NHEJ1: variants seen among roughly 807,000 people sequenced by gnomAD.
The protein encoded by NHEJ1 is non-homologous end-joining factor 1.
In NHEJ1, 22 loss-of-function variants were observed where a neutral mutation model predicts 39.4. The ratio of observed to expected loss-of-function variants is 0.56; its 90% CI spans 0.40 to 0.80. NHEJ1 has a LOEUF of 0.80. Ranked by LOEUF, NHEJ1 falls within the 30% of genes least tolerant of loss-of-function variation. NHEJ1 has a pLI of 0.00. For synonymous variants in NHEJ1, 154 were observed against 135.6 expected, an observed-to-expected ratio of 1.14 and a Z score of -0.94; for missense variants, 329 against 357.1, an observed-to-expected ratio of 0.92 and a Z score of 0.63.
At position 219,148,889 on chromosome 2, in the gene NHEJ1, T is replaced by C. The variant is rs550105365; in HGVS notation, c.391-1094A>G. Among the ~76,000 whole-genome samples, 309 of 143,720 alleles carry C rather than the reference T, an allele frequency of 2.2e-3. 1 individual carries two copies. The highest frequency in any genetic ancestry group is 6.1e-3 in the African/African-American group (231 of 37,966). The allele number at this position is 143,720 out of a possible 152,430, so 94.3% of individuals were successfully genotyped here. A position where few individuals can be genotyped will look rare whatever the true frequency, so the allele number is the denominator to read the frequency against. On this transcript the variant is annotated intron_variant, in intron 3 of 7. Transcript: ENST00000356853. ...AACGCACTCTACACACAACCCCCCCTTTTTTTTTTTTGAGAAGGAGTTTCG... is the reference window on the plus strand; with the variant it reads ...AACGCACTCTACACACAACCCCCCCCTTTTTTTTTTTGAGAAGGAGTTTCG...
intron 5 of NHEJ1, among the ~76,000 whole-genome samples, chr2:219,123,368 G>A (rs754426975): frequency 6.6e-6 from 1 of 152,178 alleles, no homozygotes; most frequent in Non-Finnish European, 1.5e-5. Flanking sequence ...GCTATTCTAC[G>A]ACTGATGCAG....
At chr2:219,106,724 G>A (rs925211179) in intron 5 of NHEJ1, among the ~76,000 whole-genome samples, 2 of 152,126 alleles carry the variant, frequency 1.3e-5, no homozygotes, top group African/African-American at 4.8e-5. Flanking sequence ...CATACTCAAT[G>A]TTATTAAACA....
intron 5 of NHEJ1, among the ~76,000 whole-genome samples, chr2:219,140,349 A>T (rs1949678787): frequency 6.6e-6 from 1 of 152,254 alleles, no homozygotes; most frequent in Non-Finnish European, 1.5e-5. Flanking sequence ...TGAGCAGAAG[A>T]ATATCACGAT....
chr2:219,078,988 AT>A (rs1410231400), intron 5 of NHEJ1, among the ~76,000 whole-genome samples: 1 of 152,190 alleles, frequency 6.6e-6, no homozygotes, highest in Non-Finnish European at 1.5e-5. Flanking sequence ...GGAAGTGATA[AT>A]TTTTAAAAGG....
intron 3 of NHEJ1, among the ~76,000 whole-genome samples, chr2:219,153,233 T>C (rs1283675419): frequency 6.6e-6 from 1 of 152,220 alleles, no homozygotes; most frequent in Non-Finnish European, 1.5e-5. Flanking sequence ...AGTAAGGTTG[T>C]GGTTGATTTA....
In NHEJ1 at chr2:219,102,169, TTA is replaced by T. The variant is rs1187549794; in HGVS notation, c.589-23965_589-23964del. On this transcript the variant is annotated intron_variant, in intron 5 of 7. Transcript: ENST00000356853. ...TGGTGTTTTTGCATGTTTAATAATTTTATAGAGTACATTCCCACTGGCTAGAT... is the reference window on the plus strand; with the variant it reads ...TGGTGTTTTTGCATGTTTAATAATTTTAGAGTACATTCCCACTGGCTAGAT... 1.3e-5 allele frequency among the ~76,000 whole-genome samples: 2 copies of T among 152,240 alleles called. 1 individual carries two copies. The highest frequency in any genetic ancestry group is 4.8e-5 in the African/African-American group (2 of 41,462).
At chr2:219,109,778 C>A (rs928545338) in intron 5 of NHEJ1, among the ~76,000 whole-genome samples, 1 of 152,166 alleles carries the variant, frequency 6.6e-6, no homozygotes, top group East Asian at 1.9e-4. Flanking sequence ...AATTCACAGG[C>A]CAGGAGGAAA....
chr2:219,088,361 C>A (rs571279147), intron 5 of NHEJ1, among the ~76,000 whole-genome samples: 1 of 152,226 alleles, frequency 6.6e-6, no homozygotes, highest in East Asian at 1.9e-4. Flanking sequence ...AGGTGAGTGG[C>A]TCACACCTCT....
At chr2:219,119,128 C>T (rs1949446557) in intron 5 of NHEJ1, among the ~76,000 whole-genome samples, 1 of 152,148 alleles carries the variant, frequency 6.6e-6, no homozygotes, top group Non-Finnish European at 1.5e-5. Context: ...TGCCTCACTC[C>T]CTTAACCCCA....
intron 5 of NHEJ1, among the ~76,000 whole-genome samples, chr2:219,145,470 A>G (rs1288356273): frequency 6.6e-6 from 1 of 152,214 alleles, no homozygotes; most frequent in African/African-American, 2.4e-5. Flanking sequence ...AAAAAGTGCT[A>G]ATTTAGGGTT....
At chr2:219,140,130 C>A (rs766636141) in intron 5 of NHEJ1, among the ~76,000 whole-genome samples, 3 of 152,130 alleles carry the variant, frequency 2.0e-5, no homozygotes, top group Non-Finnish European at 2.9e-5. Flanking sequence ...GGCCTAAAGG[C>A]AGTGTTAGAG....
Position 219,160,769 on chromosome 2 carries a change from C to T in NHEJ1, c.-50G>A, listed in dbSNP as rs1481261366. On this transcript the variant is annotated 5_prime_UTR_variant, in exon 1 of 8. Coordinates refer to ENST00000356853, the MANE Select transcript of NHEJ1 (RefSeq NM_024782.3). ...CTCTCTTAGCCGCACGCACGCTTTC[C>T]TGCCCGCTCGCGCAAACCGAAAGGC... is the stretch of plus-strand genomic sequence containing the variant. The T allele has an allele frequency of 9.2e-5, 14 of 152,424 alleles. No individual in the cohort carries two copies. The highest frequency in any genetic ancestry group is 9.2e-4 in the Admixed American group (14 of 15,292). The allele number at this position is 152,424 out of a possible 1,614,324, so 9.4% of individuals were successfully genotyped here. A position where few individuals can be genotyped will look rare whatever the true frequency, so the allele number is the denominator to read the frequency against.
At chr2:219,147,390 G>A (rs1353308342) in intron 4 of NHEJ1, among the ~76,000 whole-genome samples, 1 of 152,200 alleles carries the variant, frequency 6.6e-6, no homozygotes, top group African/African-American at 2.4e-5. Context: ...GCTGAGGCAG[G>A]AGACTCGCTT....
In NHEJ1 at chr2:219,074,893, G is replaced by A. The variant is rs888680476; in HGVS notation, c.*1488C>T. Reference sequence around the variant, plus strand: ...AAAGAAAAGTTATCAGCAGTGACTGGGAATGAGCCTTGGTGGAGATCTCAG... The same window carrying A: ...AAAGAAAAGTTATCAGCAGTGACTGAGAATGAGCCTTGGTGGAGATCTCAG... On this transcript the variant is annotated 3_prime_UTR_variant, in exon 8 of 8. Transcript: ENST00000356853. Among the ~76,000 whole-genome samples, 9 of 152,112 alleles carry A rather than the reference G, an allele frequency of 5.9e-5. 1 individual carries two copies. Among genetic ancestry groups the A allele is most frequent in the Non-Finnish European group, 4.4e-5 (3 of 68,006 alleles).
intron 5 of NHEJ1, among the ~76,000 whole-genome samples, chr2:219,136,264 A>G (rs567123213): frequency 1.1e-4 from 16 of 149,710 alleles, no homozygotes; most frequent in African/African-American, 3.4e-4. Context: ...TGTCTTTCTC[A>G]TAATGTATTC....
At chr2:219,128,667 AGAAG>A (rs1317832253) in intron 5 of NHEJ1, among the ~76,000 whole-genome samples, 1 of 152,216 alleles carries the variant, frequency 6.6e-6, no homozygotes, top group African/African-American at 2.4e-5. Context: ...AAGAGCTGCA[AGAAG>A]CCTCTCCTTG....
At chr2:219,093,939 G>C (rs1031855246) in intron 5 of NHEJ1, among the ~76,000 whole-genome samples, 3 of 152,220 alleles carry the variant, frequency 2.0e-5, no homozygotes, top group African/African-American at 7.2e-5. Context: ...GGTCCCACTA[G>C]ACTCCAAGTT....
intron 5 of NHEJ1, among the ~76,000 whole-genome samples, chr2:219,080,639 G>T (rs1439477081): frequency 1.5e-5 from 2 of 130,952 alleles, no homozygotes; most frequent in South Asian, 2.3e-4. Context: ...ATATATATAA[G>T]CTTATATATA....
chr2:219,121,201 T>A (rs1431881918), intron 5 of NHEJ1, among the ~76,000 whole-genome samples: 3 of 149,060 alleles, frequency 2.0e-5, no homozygotes, highest in Non-Finnish European at 4.5e-5. Context: ...AGCAAAACTC[T>A]GTCTAAAAAA....
Sources: allele counts gnomAD v4.1 joint callset (sites outside exome capture counted in the v4.1 genomes callset), GRCh38; gene constraint gnomAD v4.1.1; transcripts MANE v1.5; gene names NCBI Gene and HGNC (gene_info 2026-07-23, HGNC 2026-07-21).